Variants in TRPM7 observed in about 807,000 individuals in gnomAD.
The protein encoded by TRPM7 is transient receptor potential cation channel subfamily M member 7.
Under a neutral mutation model 229.7 loss-of-function variants are expected in TRPM7, and 134 were observed. The observed-to-expected ratio is 0.58, with a 90% CI of 0.51 to 0.67. The LOEUF is 0.67. Among genes scored for constraint, TRPM7 ranks in the 30% least tolerant of loss-of-function variants. TRPM7 has a pLI of 0.00. For synonymous variants in TRPM7, 699 were observed against 715.2 expected, an observed-to-expected ratio of 0.98 and a Z score of 0.36; for missense variants, 1,901 against 2,210.0, an observed-to-expected ratio of 0.86 and a Z score of 2.80.
chr15:50,590,393 A>C (rs2059456536), intron 26 of TRPM7, among the ~76,000 whole-genome samples: 1 of 152,206 alleles, frequency 6.6e-6, no homozygotes, highest in Non-Finnish European at 1.5e-5. Context: ...ATAACACTTT[A>C]ATGACCTTAA....
intron 1 of TRPM7, among the ~76,000 whole-genome samples, chr15:50,678,541 T>TACAC (rs1192286038): frequency 2.9e-5 from 4 of 136,536 alleles, no homozygotes; most frequent in South Asian, 2.3e-4. Flanking sequence ...TATATATATA[T>TACAC]ACACACACAC....
At chr15:50,661,547 ATTT>A (rs1357108037) in intron 2 of TRPM7, among the ~76,000 whole-genome samples, 1 of 151,976 alleles carries the variant, frequency 6.6e-6, no homozygotes, top group Non-Finnish European at 1.5e-5. Flanking sequence ...AAAGTTAAGA[ATTT>A]TTTAAAATGT....
chr15:50,655,541 C>T (rs1199189674), intron 3 of TRPM7, among the ~76,000 whole-genome samples: 1 of 150,902 alleles, frequency 6.6e-6, no homozygotes, highest in African/African-American at 2.4e-5. Context: ...CACTCTCAGG[C>T]ATATTATAGA....
chr15:50,665,583 A>C (rs2061858860), intron 1 of TRPM7, among the ~76,000 whole-genome samples: 1 of 152,190 alleles, frequency 6.6e-6, no homozygotes, highest in Admixed American at 6.6e-5. Flanking sequence ...CATAATTAAA[A>C]ATTTTAAATT....
chr15:50,593,765 G>A lies in TRPM7; in HGVS notation c.3476-16C>T, dbSNP rs1319123662. 3.1e-6 allele frequency: 5 copies of A among 1,592,998 alleles called. No individual in the cohort carries two copies. Among genetic ancestry groups the A allele is most frequent in the Non-Finnish European group, 3.4e-6 (4 of 1,174,266 alleles). ...AAGAAAAGTTCTATGGGAGGAAAAG[G>A]AGAAGAAAATCAAGGAAGAGCTATC... On this transcript the variant is annotated splice_polypyrimidine_tract_variant and intron_variant, in intron 24 of 38. Coordinates refer to ENST00000646667, the MANE Select transcript of TRPM7 (RefSeq NM_017672.6).
At chr15:50,620,859 G>C (rs1203044684) in intron 12 of TRPM7, among the ~76,000 whole-genome samples, 1 of 152,168 alleles carries the variant, frequency 6.6e-6, no homozygotes, top group Non-Finnish European at 1.5e-5. Flanking sequence ...TTGAACCCGG[G>C]AGGCGGAGGT....
intron 5 of TRPM7, 54 bp from the exon 6 acceptor site, chr15:50,639,602 G>A (rs999206940): frequency 1.9e-6 from 3 of 1,543,304 alleles, no homozygotes; most frequent in Non-Finnish European, 2.6e-6. Flanking sequence ...TTAAAGACAG[G>A]GTCACCCAGG....
At chr15:50,611,566 T>C (rs2060063253) in intron 16 of TRPM7, among the ~76,000 whole-genome samples, 1 of 152,198 alleles carries the variant, frequency 6.6e-6, no homozygotes, top group African/African-American at 2.4e-5. Context: ...CTCCCGGTCC[T>C]AGAAATCAAA....
chr15:50,596,222 A>G (rs1183900551), intron 23 of TRPM7, 33 bp downstream of exon 23: 2 of 1,368,244 alleles, frequency 1.5e-6, no homozygotes, highest in African/African-American at 2.9e-5. Flanking sequence ...ATATTAAATC[A>G]TCTTATAACA....
At chr15:50,610,014 TATA>T in intron 17 of TRPM7, 53 bp from the exon 18 acceptor site, 2 of 1,252,072 alleles carry the variant, frequency 1.6e-6, no homozygotes, top group Middle Eastern at 2.0e-4. Context: ...CCTTCAAGAA[TATA>T]ATAAAAACAA....
intron 1 of TRPM7, among the ~76,000 whole-genome samples, chr15:50,672,316 A>C (rs1039426366): frequency 6.6e-6 from 1 of 151,602 alleles, no homozygotes; most frequent in Non-Finnish European, 1.5e-5. Flanking sequence ...TTGGCCTCCC[A>C]AAGTGCTAGG....
At chr15:50,605,510 A>G (rs2059897037) in intron 20 of TRPM7, among the ~76,000 whole-genome samples, 1 of 152,210 alleles carries the variant, frequency 6.6e-6, no homozygotes, top group Non-Finnish European at 1.5e-5. Context: ...TAGAAAGTAA[A>G]TAACTCAATG....
At chr15:50,638,835 T>C (rs1379134024) in intron 6 of TRPM7, among the ~76,000 whole-genome samples, 1 of 151,958 alleles carries the variant, frequency 6.6e-6, no homozygotes, top group Non-Finnish European at 1.5e-5. Context: ...CACAGGCCAC[T>C]ACACCCAGTT....
intron 28 of TRPM7, among the ~76,000 whole-genome samples, chr15:50,586,071 A>T (rs184341651): frequency 7.1e-4 from 108 of 152,346 alleles, no homozygotes; most frequent in Non-Finnish European, 9.8e-4. Context: ...CTAGAAAAAT[A>T]TGTTGAATAA....
intron 8 of TRPM7, among the ~76,000 whole-genome samples, chr15:50,633,323 T>C (rs774528915): frequency 6.6e-6 from 1 of 152,216 alleles, no homozygotes; most frequent in Non-Finnish European, 1.5e-5. Flanking sequence ...CACGATGTTC[T>C]TAAACATAGG....
chr15:50,606,453 T>C (rs1280068722), intron 20 of TRPM7, among the ~76,000 whole-genome samples: 1 of 152,108 alleles, frequency 6.6e-6, no homozygotes, highest in African/African-American at 2.4e-5. Context: ...GTATAAATAT[T>C]ACGAAAAAGA....
At chr15:50,667,348 G>A (rs8033359) in intron 1 of TRPM7, among the ~76,000 whole-genome samples, 6 of 152,132 alleles carry the variant, frequency 3.9e-5, no homozygotes, top group African/African-American at 9.7e-5. Flanking sequence ...TGGATCTCCC[G>A]CCTATGTATT....
intron 20 of TRPM7, among the ~76,000 whole-genome samples, chr15:50,605,770 A>G (rs763382148): frequency 1.2e-4 from 19 of 152,348 alleles, no homozygotes; most frequent in African/African-American, 2.6e-4. Flanking sequence ...ATGAATATAC[A>G]TATTTTAAAA....
chr15:50,579,530 C>G (rs1044455889), intron 30 of TRPM7, among the ~76,000 whole-genome samples: 3 of 152,366 alleles, frequency 2.0e-5, no homozygotes, highest in Non-Finnish European at 4.4e-5. Flanking sequence ...TCAGCTCCAC[C>G]TTTATGGGTA....
Sources: allele counts gnomAD v4.1 joint callset (sites outside exome capture counted in the v4.1 genomes callset), GRCh38; gene constraint gnomAD v4.1.1; transcripts MANE v1.5; gene names NCBI Gene and HGNC (gene_info 2026-07-23, HGNC 2026-07-21).